The following GUCY1A2 variants were observed in gnomAD, a reference collection of about 807,000 sequenced individuals.
GUCY1A2 encodes the protein guanylate cyclase 1 soluble subunit alpha 2, also known as guanylate cyclase soluble subunit alpha-2.
A neutral mutation model predicts 63.5 loss-of-function variants in GUCY1A2; 27 were observed. The observed-to-expected ratio is 0.43, with a 90% CI of 0.31 to 0.59. The LOEUF (loss-of-function observed/expected upper bound fraction) is 0.59, where lower values mean the gene tolerates loss of function less well. Ranked by LOEUF, GUCY1A2 falls within the 20% of genes least tolerant of loss-of-function variation. The pLI is 0.11. For synonymous variants in GUCY1A2, 364 were observed against 343.5 expected, an observed-to-expected ratio of 1.06 and a Z score of -0.66; for missense variants, 768 against 913.3, an observed-to-expected ratio of 0.84 and a Z score of 2.05.
At chr11:106,903,028 T>G (rs987941264) in intron 4 of GUCY1A2, among the ~76,000 whole-genome samples, 11 of 152,154 alleles carry the variant, frequency 7.2e-5, no homozygotes, top group Admixed American at 6.6e-4. Context: ...ATATAAGAAC[T>G]CTAACTGAAC....
At chr11:106,721,722 T>G (rs945662872) in intron 6 of GUCY1A2, among the ~76,000 whole-genome samples, 1 of 152,154 alleles carries the variant, frequency 6.6e-6, no homozygotes, top group African/African-American at 2.4e-5. Context: ...AAATCAACCT[T>G]ATAATAAGGA....
At chr11:106,931,671 G>T (rs73553862) in intron 4 of GUCY1A2, among the ~76,000 whole-genome samples, 1,836 of 152,250 alleles carry the variant, frequency 0.012, 29 homozygotes, top group African/African-American at 0.041. Flanking sequence ...TTAACAATCT[G>T]CTGATGCATA....
intron 6 of GUCY1A2, among the ~76,000 whole-genome samples, chr11:106,749,935 T>C (rs980404139): frequency 6.6e-6 from 1 of 151,972 alleles, no homozygotes; most frequent in African/African-American, 2.4e-5. Context: ...GCAGAAACAA[T>C]TGGATCTATG....
intron 6 of GUCY1A2, among the ~76,000 whole-genome samples, chr11:106,725,486 A>G (rs1404066434): frequency 6.6e-6 from 1 of 152,140 alleles, no homozygotes; most frequent in Non-Finnish European, 1.5e-5. Flanking sequence ...ATTTATTTTC[A>G]TGGTGTATAT....
At chr11:106,793,394 CTT>C (rs1864697288) in intron 5 of GUCY1A2, among the ~76,000 whole-genome samples, 1 of 152,094 alleles carries the variant, frequency 6.6e-6, no homozygotes, top group African/African-American at 2.4e-5. Flanking sequence ...AACTGTAAAA[CTT>C]TTAGCTAAAA....
chr11:106,901,737 T>C (rs1419108880), intron 4 of GUCY1A2, among the ~76,000 whole-genome samples: 1 of 149,956 alleles, frequency 6.7e-6, no homozygotes, highest in African/African-American at 2.4e-5. Context: ...ACACGCAGTG[T>C]TTGATTTTTT....
rs1591263637 is a variant in GUCY1A2, at chr11:106,756,619, TGGATA to T, written c.1836+19815_1836+19819del. ...CTTCACTTATGAAGCTTAGTTTGGC[TGGATA>T]TGAAATTCTGGGTTGAAAATTCTTT... On this transcript the variant is annotated intron_variant, in intron 6 of 7. Transcript: ENST00000526355. 3.9e-5 allele frequency among the ~76,000 whole-genome samples: 6 copies of T among 152,340 alleles called. No individual in the cohort carries two copies. In the East Asian group the frequency reaches 1.2e-3, roughly 29 times the overall value.
chr11:106,913,578 C>A (rs1420083523), intron 4 of GUCY1A2, among the ~76,000 whole-genome samples: 2 of 152,122 alleles, frequency 1.3e-5, no homozygotes, highest in Non-Finnish European at 2.9e-5. Flanking sequence ...CACTGCCACA[C>A]TGGGGATTAA....
intron 5 of GUCY1A2, among the ~76,000 whole-genome samples, chr11:106,777,465 A>AG (rs1491553457): frequency 6.8e-6 from 1 of 147,248 alleles, no homozygotes; most frequent in Non-Finnish European, 1.5e-5. Context: ...AAAAAAAAAA[A>AG]GTGGCACATA....
Position 106,810,018 on chromosome 11 carries a change from T to C in GUCY1A2, c.1667A>G (p.Gln556Arg). 6.2e-7 allele frequency: 1 copy of C among 1,604,468 alleles called. No homozygotes were observed. The highest frequency in any genetic ancestry group is 8.5e-7 in the Non-Finnish European group (1 of 1,171,742). Residue 556 changes from glutamine to arginine, a missense_variant, in exon 5 of 8, where the codon CAG becomes CGG. Coordinates refer to ENST00000526355, the MANE Select transcript of GUCY1A2 (RefSeq NM_000855.3). ...LNELYTRFDH[Q>R]CGFLDIYKVE... ...CTTATAAATATCCAAAAATCCACAC[T>C]GGTGGTCAAATCTGGTGTACAGTTC... is the stretch of plus-strand genomic sequence containing the variant.
chr11:106,724,341 C>T (rs1863367155), intron 6 of GUCY1A2, among the ~76,000 whole-genome samples: 1 of 152,224 alleles, frequency 6.6e-6, no homozygotes, highest in Non-Finnish European at 1.5e-5. Flanking sequence ...TACTATAACC[C>T]AGTAAGGAAC....
chr11:106,875,211 A>T (rs913434401), intron 4 of GUCY1A2, among the ~76,000 whole-genome samples: 2 of 152,104 alleles, frequency 1.3e-5, no homozygotes, highest in Non-Finnish European at 2.9e-5. Flanking sequence ...GGAGGTAGCA[A>T]GGAAATCTAG....
chr11:106,776,825 A>G (rs1039481445), intron 5 of GUCY1A2, among the ~76,000 whole-genome samples: 5 of 152,218 alleles, frequency 3.3e-5, no homozygotes, highest in African/African-American at 9.6e-5. Context: ...ATTAGGAACA[A>G]CTATAATATA....
intron 6 of GUCY1A2, among the ~76,000 whole-genome samples, chr11:106,769,700 T>A (rs1415559010): frequency 2.6e-5 from 4 of 152,162 alleles, no homozygotes; most frequent in Non-Finnish European, 5.9e-5. Context: ...CACTGACTTA[T>A]GAAAACTGCC....
intron 7 of GUCY1A2, among the ~76,000 whole-genome samples, chr11:106,695,468 A>C (rs764828546): frequency 6.6e-6 from 1 of 152,094 alleles, no homozygotes; most frequent in African/African-American, 2.4e-5. Flanking sequence ...GGTGTAGGAG[A>C]AGGACGACGG....
intron 6 of GUCY1A2, among the ~76,000 whole-genome samples, chr11:106,753,434 TTTGCCCACGCCTATGTCTGAATGGTA>T (rs1479024187): frequency 3.9e-5 from 6 of 152,182 alleles, no homozygotes; most frequent in Non-Finnish European, 7.3e-5. Flanking sequence ...TCATGAAGTC[TTTGCCCACGCCTATGTCTGAATGGTA>T]TTGCCTAGGT....
At chr11:106,886,488 T>G (rs1859902322) in intron 4 of GUCY1A2, among the ~76,000 whole-genome samples, 1 of 152,154 alleles carries the variant, frequency 6.6e-6, no homozygotes, top group Admixed American at 6.6e-5. Context: ...TGCACAAACC[T>G]CATCCTATCT....
At chr11:106,997,926 T>G (rs745619028) in intron 1 of GUCY1A2, among the ~76,000 whole-genome samples, 3 of 152,126 alleles carry the variant, frequency 2.0e-5, no homozygotes, top group Non-Finnish European at 2.9e-5. Context: ...AGGGAAAGTA[T>G]GTATCCGCAC....
At chr11:106,766,734 A>G (rs1411141805) in intron 6 of GUCY1A2, among the ~76,000 whole-genome samples, 1 of 152,092 alleles carries the variant, frequency 6.6e-6, no homozygotes, top group Non-Finnish European at 1.5e-5. Context: ...TGCTATTTTC[A>G]TATCATTTTT....
Sources: allele counts gnomAD v4.1 joint callset (sites outside exome capture counted in the v4.1 genomes callset), GRCh38; gene constraint gnomAD v4.1.1; transcripts MANE v1.5; gene names NCBI Gene and HGNC (gene_info 2026-07-23, HGNC 2026-07-21).